ABLIM2: variants seen among roughly 807,000 people sequenced by gnomAD.
ABLIM2 encodes actin-binding LIM protein 2.
ABLIM2 carries 53 observed loss-of-function variants against 97.7 expected under a neutral mutation model. That is an observed-to-expected ratio of 0.54 (90% CI 0.44 to 0.68). The LOEUF (loss-of-function observed/expected upper bound fraction) is 0.68. Ranked by LOEUF, ABLIM2 falls within the 30% of genes least tolerant of loss-of-function variation. The pLI is 0.00. For missense variants in ABLIM2, 835 were observed against 867.2 expected (o/e 0.96, Z 0.47); for synonymous variants, 361 against 345.8 (o/e 1.04, Z -0.49).
At chr4:8,007,885 A>G in intron 16 of ABLIM2, 174 bp downstream of exon 16, 1 of 1,416,428 alleles carries the variant, frequency 7.1e-7, no homozygotes, top group Non-Finnish European at 9.2e-7. Flanking sequence ...GGAAGCCGGC[A>G]AACTGCAAAA....
intron 1 of ABLIM2, among the ~76,000 whole-genome samples, chr4:8,111,558 G>A (rs1017793242): frequency 6.6e-6 from 1 of 152,218 alleles, no homozygotes; most frequent in African/African-American, 2.4e-5. Flanking sequence ...AAGACGGGAT[G>A]GGAGCACATC....
At chr4:8,107,844 TA>T in intron 1 of ABLIM2, among the ~76,000 whole-genome samples, 1 of 152,286 alleles carries the variant, frequency 6.6e-6, no homozygotes, top group South Asian at 2.1e-4. Flanking sequence ...ACGGGGGCCT[TA>T]AAATCAGATC....
In ABLIM2 at chr4:8,074,288, C is replaced by T. The variant is rs549051549; in HGVS notation, c.675+3340G>A. Among the ~76,000 whole-genome samples, 5 of 151,910 alleles carry T rather than the reference C, an allele frequency of 3.3e-5. No individual in the cohort carries two copies. In the South Asian group the frequency reaches 1.0e-3, roughly 32 times the overall value. ...GGGCAATACAGCAAGATCCCTGTCT[C>T]TAAGAAAATTTTAAATACTATCCAA... On this transcript the variant is annotated intron_variant, in intron 6 of 20. Coordinates refer to ENST00000447017, the MANE Select transcript of ABLIM2 (RefSeq NM_001130083.2).
At chr4:8,076,766 C>T (rs1475936335) in intron 6 of ABLIM2, among the ~76,000 whole-genome samples, 1 of 107,926 alleles carries the variant, frequency 9.3e-6, no homozygotes, top group Non-Finnish European at 2.0e-5. Context: ...AGAGGGTGGG[C>T]TGCAGGGTGG....
chr4:7,987,377 C>A (rs1745109189), intron 17 of ABLIM2, among the ~76,000 whole-genome samples: 1 of 152,210 alleles, frequency 6.6e-6, no homozygotes, highest in South Asian at 2.1e-4. Context: ...CTCACCTCAG[C>A]CTCCCAAAGC....
At chr4:8,158,411 G>A (rs1011058875) in intron 1 of ABLIM2, among the ~76,000 whole-genome samples, 1 of 152,146 alleles carries the variant, frequency 6.6e-6, no homozygotes, top group South Asian at 2.1e-4. Flanking sequence ...GCAAAGAAGG[G>A]GCGCCTTCCA....
intron 8 of ABLIM2, among the ~76,000 whole-genome samples, chr4:8,049,817 C>T (rs983922696): frequency 2.0e-5 from 3 of 152,182 alleles, no homozygotes; most frequent in Non-Finnish European, 2.9e-5. Context: ...CAACCTCTGC[C>T]TCCCGTCTCA....
chr4:8,110,096 C>T (rs1839561011), intron 1 of ABLIM2, among the ~76,000 whole-genome samples: 1 of 152,264 alleles, frequency 6.6e-6, no homozygotes, highest in Non-Finnish European at 1.5e-5. Context: ...CTCGGCCACG[C>T]ATGGCCCAGG....
rs938430378 is a variant in ABLIM2, at chr4:8,124,957, C to T, written c.11-18320G>A. Reference sequence around the variant, plus strand: ...GCGTCTCACTGGGATTCTGATGTGCCGTTCCCTGTGGGCGAATGATGCTGG... The same window carrying T: ...GCGTCTCACTGGGATTCTGATGTGCTGTTCCCTGTGGGCGAATGATGCTGG... On this transcript the variant is annotated intron_variant, in intron 1 of 20. Coordinates refer to ENST00000447017, the MANE Select transcript of ABLIM2 (RefSeq NM_001130083.2). This position sits in a 1 kb window ranked among gnomAD's most constrained non-coding sequence, Gnocchi z 6.1. Among the ~76,000 whole-genome samples the T allele has an allele frequency of 1.3e-5, 2 of 152,152 alleles. No individual in the cohort carries two copies. Among genetic ancestry groups the T allele is most frequent in the Non-Finnish European group, 2.9e-5 (2 of 68,020 alleles).
At chr4:8,020,869 T>TTTTTTTG (rs1316037068) in intron 12 of ABLIM2, 1 of 112,392 alleles carries the variant, frequency 8.9e-6, no homozygotes, top group African/African-American at 3.6e-5. Flanking sequence ...TTTTTTTTTT[T>TTTTTTTG]GGGACAGTGT....
chr4:8,054,307 T>C lies in ABLIM2; in HGVS notation c.764-61A>G. On this transcript the variant is annotated intron_variant, in intron 7 of 20. Coordinates refer to ENST00000447017, the MANE Select transcript of ABLIM2 (RefSeq NM_001130083.2). The surrounding 1 kb of genome is among the most constrained non-coding windows in gnomAD (Gnocchi z 4.9). ...TTATTTCCCATGTTGCAGGGGCCTG[T>C]GTGGAAACGCAGAGGAGGGAGCTGG... 1 of 1,574,972 alleles carries C rather than the reference T, an allele frequency of 6.3e-7. No homozygotes were observed. Among genetic ancestry groups the C allele is most frequent in the South Asian group, 1.1e-5 (1 of 89,406 alleles).
intron 17 of ABLIM2, among the ~76,000 whole-genome samples, chr4:7,988,211 C>A (rs748765358): frequency 6.6e-6 from 1 of 152,148 alleles, no homozygotes; most frequent in Non-Finnish European, 1.5e-5. Flanking sequence ...TTAGTAGAGA[C>A]AGGGTTTCAC....
chr4:7,988,871 C>G (rs1746470334), intron 17 of ABLIM2, among the ~76,000 whole-genome samples: 1 of 152,158 alleles, frequency 6.6e-6, no homozygotes, highest in Non-Finnish European at 1.5e-5. Flanking sequence ...TTCAGCATTA[C>G]AGTTTGGAAA....
chr4:8,064,035 G>T (rs898318695), intron 6 of ABLIM2, among the ~76,000 whole-genome samples: 4 of 152,184 alleles, frequency 2.6e-5, no homozygotes, highest in African/African-American at 9.7e-5. Context: ...GACTAGTTTA[G>T]ACTGTGCAGT....
rs1036693758 is a variant in ABLIM2 at position 8,001,877 on chromosome 4, C to G, written c.1618+6182G>C. On this transcript the variant is annotated intron_variant, in intron 16 of 20. Transcript: ENST00000447017. This position sits in a 1 kb window ranked among gnomAD's most constrained non-coding sequence, Gnocchi z 4.2. The stretch of plus-strand genomic sequence containing the variant: ...ACTTCCTCTGTGGAATCTCCTGCCC[C>G]CCGATGGCACCTTCCCACCTGCCCG... Among the ~76,000 whole-genome samples, 1 of 152,204 alleles carries G rather than the reference C, an allele frequency of 6.6e-6. No individual in the cohort carries two copies. The highest frequency in any genetic ancestry group is 2.4e-5 in the African/African-American group (1 of 41,446).
intron 9 of ABLIM2, among the ~76,000 whole-genome samples, chr4:8,036,713 G>A (rs28368826): frequency 0.081 from 12,407 of 152,236 alleles, 801 homozygotes; most frequent in East Asian, 0.27. Context: ...GATCACACCC[G>A]AAGGCTCTGG....
rs561498033 is a variant in ABLIM2 at position 8,150,995 on chromosome 4, G to A, written c.10+7685C>T. ...TTCTGCCCGTTCCCTGGTGCCTGCC[G>A]TGCCCAGGCCCTTGACTCTCACTCA... On this transcript the variant is annotated intron_variant, in intron 1 of 20. Coordinates refer to ENST00000447017, the MANE Select transcript of ABLIM2 (RefSeq NM_001130083.2). This position sits in a 1 kb window ranked among gnomAD's most constrained non-coding sequence, Gnocchi z 6.3. Among the ~76,000 whole-genome samples, 37 of 152,286 alleles carry A rather than the reference G, an allele frequency of 2.4e-4. 1 individual carries two copies. The highest frequency in any genetic ancestry group is 1.2e-3 in the Admixed American group (19 of 15,296).
At position 7,993,070 on chromosome 4, in the gene ABLIM2, C is replaced by T. The variant is rs1271815208; in HGVS notation, c.1619-143G>A. 5.0e-6 allele frequency: 4 copies of T among 802,808 alleles called. No individual in the cohort carries two copies. In the African/African-American group the frequency reaches 5.1e-5, roughly 10 times the overall value. The allele number at this position is 802,808 out of a possible 1,614,324, so 49.7% of individuals were successfully genotyped here. Reference sequence around the variant, plus strand: ...GCCCCCTGAGGACCATGACCTGCCTCAGTGGTGACCTTCTGTTCCCAGGGC... The same window carrying T: ...GCCCCCTGAGGACCATGACCTGCCTTAGTGGTGACCTTCTGTTCCCAGGGC... On this transcript the variant is annotated intron_variant, in intron 16 of 20. Coordinates refer to ENST00000447017, the MANE Select transcript of ABLIM2 (RefSeq NM_001130083.2).
At chr4:8,081,202 C>T (rs375829392) in intron 4 of ABLIM2, among the ~76,000 whole-genome samples, 70 of 152,298 alleles carry the variant, frequency 4.6e-4, no homozygotes, top group South Asian at 1.4e-3. Flanking sequence ...CAGCCCCCAG[C>T]CCCCAACCCC....
Sources: allele counts gnomAD v4.1 joint callset (sites outside exome capture counted in the v4.1 genomes callset), GRCh38; gene constraint gnomAD v4.1.1; non-coding constraint Gnocchi (gnomAD v3.1); transcripts MANE v1.5; gene names NCBI Gene and HGNC (gene_info 2026-07-23, HGNC 2026-07-21).